Variants in KHDRBS3 observed in about 807,000 individuals in gnomAD.
KHDRBS3 encodes KH RNA binding domain containing, signal transduction associated 3.
A neutral mutation model predicts 45.6 loss-of-function variants in KHDRBS3; 23 were observed. The observed-to-expected ratio is 0.50, with a 90% confidence interval of 0.36 to 0.72. The LOEUF (loss-of-function observed/expected upper bound fraction) is 0.72, where lower values mean the gene tolerates loss of function less well. Ranked by LOEUF, KHDRBS3 falls within the 30% of genes least tolerant of loss-of-function variation. The probability of loss-of-function intolerance (pLI) is 0.00; values close to 1 mark genes in which losing one functional copy is unlikely to be tolerated. For synonymous variants in KHDRBS3, 162 were observed against 156.5 expected (o/e 1.04, Z -0.26); for missense variants, 352 against 424.8 (o/e 0.83, Z 1.51).
intron 1 of KHDRBS3, among the ~76,000 whole-genome samples, chr8:135,494,468 C>T (rs1158310607): frequency 6.6e-6 from 1 of 151,730 alleles, no homozygotes; most frequent in Non-Finnish European, 1.5e-5. Context: ...TTAGTAGAGA[C>T]GGGGTTTCAC....
At chr8:135,649,036 T>C (rs1375217404), downstream of KHDRBS3, among the ~76,000 whole-genome samples, 1 of 152,188 alleles carries the variant, frequency 6.6e-6, no homozygotes, top group Admixed American at 6.5e-5. Flanking sequence ...CTTAGTCTTA[T>C]GGAAACATGG....
chr8:135,544,874 A>G (rs746347010), intron 3 of KHDRBS3, among the ~76,000 whole-genome samples: 3 of 151,952 alleles, frequency 2.0e-5, no homozygotes, highest in Admixed American at 6.6e-5. Context: ...TGGATTTACA[A>G]TCCACTGAAC....
intron 2 of KHDRBS3, among the ~76,000 whole-genome samples, chr8:135,525,469 T>G (rs375195382): frequency 5.9e-5 from 9 of 152,334 alleles, no homozygotes; most frequent in African/African-American, 2.2e-4. Context: ...GGGTATTTCC[T>G]TTGCTGAAGT....
At chr8:135,466,125 C>T (rs968403509) in intron 1 of KHDRBS3, among the ~76,000 whole-genome samples, 2 of 152,160 alleles carry the variant, frequency 1.3e-5, no homozygotes, top group East Asian at 1.9e-4. Flanking sequence ...GATCAATAAA[C>T]GTGCATTGCT....
intron 7 of KHDRBS3, among the ~76,000 whole-genome samples, chr8:135,623,364 G>A (rs374681460): frequency 7.2e-5 from 11 of 152,180 alleles, no homozygotes; most frequent in African/African-American, 2.7e-4. Context: ...AATCCTGACT[G>A]TCATGTAATG....
At chr8:135,569,570 T>G (rs1827598302) in intron 5 of KHDRBS3, among the ~76,000 whole-genome samples, 1 of 152,176 alleles carries the variant, frequency 6.6e-6, no homozygotes, top group African/African-American at 2.4e-5. Context: ...AAGTGAACAC[T>G]TACAGGAAAG....
chr8:135,487,571 G>C (rs1822926692), intron 1 of KHDRBS3, among the ~76,000 whole-genome samples: 1 of 152,228 alleles, frequency 6.6e-6, no homozygotes, highest in African/African-American at 2.4e-5. Flanking sequence ...CAAGCATGGG[G>C]AGAGCCCTTG....
intron 1 of KHDRBS3, among the ~76,000 whole-genome samples, chr8:135,482,916 C>A (rs1271530490): frequency 6.6e-6 from 1 of 152,090 alleles, no homozygotes; most frequent in Non-Finnish European, 1.5e-5. Context: ...AGTAGGTGCC[C>A]AACAAATGTT....
chr8:135,617,687 A>G (rs567438345), intron 7 of KHDRBS3, among the ~76,000 whole-genome samples: 1 of 152,224 alleles, frequency 6.6e-6, no homozygotes, highest in African/African-American at 2.4e-5. Flanking sequence ...ATGTGAACCC[A>G]GGCAGTCTAA....
In KHDRBS3 at chr8:135,647,004, T is replaced by C. The variant is rs1169237637; in HGVS notation, c.961T>C (p.Trp321Arg). The stretch of plus-strand genomic sequence containing the variant: ...CTTACTGATTGTAGGGCAAGAAGAG[T>C]GGACTAACTCAAGACACAAGGCACC... ...ETYDSYGQEE[W>R]TNSRHKAPSA... The change falls in exon 9 of 9, where the codon TGG becomes CGG. Residue 321 changes from tryptophan to arginine, a missense_variant. This residue lies in a region of KHDRBS3 where 212 missense variants were observed against 209.6 expected (regional missense o/e 1.01). Coordinates refer to ENST00000355849, the MANE Select transcript of KHDRBS3 (RefSeq NM_006558.3). 1.3e-6 allele frequency: 2 copies of C among 1,589,736 alleles called. No homozygotes were observed. Among genetic ancestry groups the C allele is most frequent in the Non-Finnish European group, 1.7e-6 (2 of 1,158,234 alleles).
At chr8:135,458,205 T>G in intron 1 of KHDRBS3, 3 of 1,265,560 alleles carry the variant, frequency 2.4e-6, no homozygotes, top group Non-Finnish European at 2.0e-6. Context: ...AGGAAATCTT[T>G]GGGGACTCGG....
At chr8:135,651,148 A>G (rs1314136715), downstream of KHDRBS3, among the ~76,000 whole-genome samples, 1 of 152,092 alleles carries the variant, frequency 6.6e-6, no homozygotes, top group Non-Finnish European at 1.5e-5. Context: ...CCAATAGAAG[A>G]TAACCACACA....
intron 1 of KHDRBS3, among the ~76,000 whole-genome samples, chr8:135,482,738 G>A (rs1163486218): frequency 6.6e-6 from 1 of 152,092 alleles, no homozygotes; most frequent in African/African-American, 2.4e-5. Flanking sequence ...GCAGCTATTA[G>A]CTGTGAGGAT....
Position 135,638,854 on chromosome 8 carries a change from G to A in KHDRBS3, c.891-6205G>A, listed in dbSNP as rs550261163. Reference sequence around the variant, plus strand: ...TAGTCCCAGCTACTCCCAGCTACTCGGACGGCTGAGGCAGGAGAATTGCTT... The same window carrying A: ...TAGTCCCAGCTACTCCCAGCTACTCAGACGGCTGAGGCAGGAGAATTGCTT... On this transcript the variant is annotated intron_variant, in intron 7 of 8. Transcript: ENST00000355849. Among the ~76,000 whole-genome samples, 61 of 126,974 alleles carry A rather than the reference G, an allele frequency of 4.8e-4. No homozygotes were observed. The East Asian group carries it at 0.01, about 21-fold the overall frequency. 83.3% of individuals were successfully genotyped at this position (126,974 alleles called of 152,430 possible).
chr8:135,467,524 C>T (rs898227780), intron 1 of KHDRBS3, among the ~76,000 whole-genome samples: 1 of 152,232 alleles, frequency 6.6e-6, no homozygotes, highest in African/African-American at 2.4e-5. Flanking sequence ...CTTTGTCCGC[C>T]TTTGCCTTTC....
At chr8:135,632,903 C>T (rs1376252971) in intron 7 of KHDRBS3, among the ~76,000 whole-genome samples, 1 of 152,110 alleles carries the variant, frequency 6.6e-6, no homozygotes, top group African/African-American at 2.4e-5. Context: ...GGTCCCTCTG[C>T]CCACAGTACT....
chr8:135,506,691 T>C (rs910486320), intron 1 of KHDRBS3, among the ~76,000 whole-genome samples: 8 of 152,090 alleles, frequency 5.3e-5, no homozygotes, highest in Non-Finnish European at 1.2e-4. Flanking sequence ...CGTGAGCCAC[T>C]GCACCTGGCT....
rs941105230 is a variant in KHDRBS3, at chr8:135,586,679, C to T, written c.807+4606C>T. Among the ~76,000 whole-genome samples the T allele has an allele frequency of 2.5e-4, 38 of 152,154 alleles. 1 individual carries two copies. The highest frequency in any genetic ancestry group is 8.9e-4 in the African/African-American group (37 of 41,448). On this transcript the variant is annotated intron_variant, in intron 6 of 8. Coordinates refer to ENST00000355849, the MANE Select transcript of KHDRBS3 (RefSeq NM_006558.3). Reference sequence around the variant, plus strand: ...AAAAGGGCTTGTCATTTCTTTGGAACTCAGAAACGTAATTTTTAAAAATCT... The same window carrying T: ...AAAAGGGCTTGTCATTTCTTTGGAATTCAGAAACGTAATTTTTAAAAATCT...
intron 6 of KHDRBS3, among the ~76,000 whole-genome samples, chr8:135,595,953 A>C (rs1339877796): frequency 6.6e-6 from 1 of 152,210 alleles, no homozygotes; most frequent in East Asian, 1.9e-4. Flanking sequence ...GCATGACTAC[A>C]AAAGGTGAAA....
Sources: gnomAD v4.1 joint callset for allele counts (sites outside exome capture counted in the v4.1 genomes callset) on GRCh38, gnomAD v4.1.1 for gene constraint, gnomAD v4.1.1 regional missense constraint, MANE v1.5 for transcripts, NCBI Gene and HGNC (gene_info 2026-07-23, HGNC 2026-07-21) for gene names.